Variants in KCNN3 observed in about 807,000 individuals in gnomAD.
KCNN3 encodes small conductance calcium-activated potassium channel protein 3.
In KCNN3, 16 loss-of-function variants were observed where a neutral mutation model predicts 62.9. That is an observed-to-expected ratio of 0.25 (90% CI 0.17 to 0.39). The LOEUF (loss-of-function observed/expected upper bound fraction) is 0.39, where lower values mean the gene tolerates loss of function less well. KCNN3 is among the 10% of genes least tolerant of loss of function. KCNN3 has a pLI of 1.00. For missense variants in KCNN3, 599 were observed against 949.4 expected (o/e 0.63, Z 4.85); for synonymous variants, 370 against 389.2 (o/e 0.95, Z 0.58).
intron 3 of KCNN3, among the ~76,000 whole-genome samples, chr1:154,754,170 A>T (rs1647521422): frequency 6.6e-6 from 1 of 152,174 alleles, no homozygotes; most frequent in Non-Finnish European, 1.5e-5. Context: ...TTAATCTTCT[A>T]GAGGGAGCAA....
chr1:154,829,622 G>A (rs1393047811), intron 1 of KCNN3, among the ~76,000 whole-genome samples: 1 of 152,186 alleles, frequency 6.6e-6, no homozygotes, highest in Non-Finnish European at 1.5e-5. Flanking sequence ...GGCATCATGA[G>A]CCAGCTGACC....
chr1:154,813,337 C>T (rs187201112), intron 2 of KCNN3, among the ~76,000 whole-genome samples: 30 of 151,050 alleles, frequency 2.0e-4, no homozygotes, highest in Non-Finnish European at 3.8e-4. Context: ...CCTCACTTCA[C>T]ATGGCCTAGG....
At chr1:154,853,317 T>C (rs1652379690) in intron 1 of KCNN3, among the ~76,000 whole-genome samples, 1 of 151,938 alleles carries the variant, frequency 6.6e-6, no homozygotes, top group South Asian at 2.1e-4. Flanking sequence ...GTTTTATTTG[T>C]GGTTTTTGTT....
At chr1:154,722,564 A>ATT (rs1216602752) in intron 5 of KCNN3, among the ~76,000 whole-genome samples, 1 of 145,358 alleles carries the variant, frequency 6.9e-6, no homozygotes, top group Non-Finnish European at 1.5e-5. Flanking sequence ...ATTTTTTTGG[A>ATT]TTTTTTTTTA....
At chr1:154,775,021 G>C (rs556759837) in intron 2 of KCNN3, among the ~76,000 whole-genome samples, 1 of 152,364 alleles carries the variant, frequency 6.6e-6, no homozygotes, top group African/African-American at 2.4e-5. Context: ...GTGGATTTGC[G>C]GGGGCTGGCT....
intron 1 of KCNN3, chr1:154,859,790 GAGT>G (rs1652688951): frequency 6.2e-7 from 1 of 1,613,844 alleles, no homozygotes; most frequent in Non-Finnish European, 8.5e-7. Context: ...AAGCTCTAAG[GAGT>G]AGGTGCCAGC....
intron 3 of KCNN3, among the ~76,000 whole-genome samples, chr1:154,757,336 G>A (rs1296792949): frequency 2.0e-5 from 3 of 152,218 alleles, no homozygotes; most frequent in African/African-American, 7.2e-5. Flanking sequence ...GTCTCTTTGA[G>A]TCCTGGCTGG....
At chr1:154,827,201 A>G (rs1267246921) in intron 1 of KCNN3, among the ~76,000 whole-genome samples, 1 of 152,230 alleles carries the variant, frequency 6.6e-6, no homozygotes, top group Non-Finnish European at 1.5e-5. Flanking sequence ...AGAGGCTCCA[A>G]AATTGATTGA....
At chr1:154,728,690 G>C (rs1250033869) in intron 4 of KCNN3, among the ~76,000 whole-genome samples, 1 of 152,058 alleles carries the variant, frequency 6.6e-6, no homozygotes, top group African/African-American at 2.4e-5. Context: ...GAGAAGGTGG[G>C]TGCAGGGAGA....
At chr1:154,847,289 C>A (rs1652112569) in intron 1 of KCNN3, among the ~76,000 whole-genome samples, 1 of 152,070 alleles carries the variant, frequency 6.6e-6, no homozygotes, top group Admixed American at 6.6e-5. Flanking sequence ...TATCAGGTCA[C>A]TGGCCCCAGA....
rs1652677570 is a variant in KCNN3, at chr1:154,859,610, C to T, written c.933+9422G>A. 5 of 1,355,518 alleles carry T rather than the reference C, an allele frequency of 3.7e-6. No homozygotes were observed. In the Middle Eastern group the frequency reaches 5.4e-4, roughly 145 times the overall value. The allele number at this position is 1,355,518 out of a possible 1,614,324, so 84.0% of individuals were successfully genotyped here. ...CCTCAGCTCAAAGCCACTGACAGGT[C>T]AGCAAGGTTCAATGGCTCAAGCCAG... On this transcript the variant is annotated intron_variant, in intron 1 of 7. Transcript: ENST00000271915.
intron 2 of KCNN3, among the ~76,000 whole-genome samples, chr1:154,776,009 TGTAA>T (rs72082809): frequency 0.47 from 71,116 of 151,626 alleles, 16,908 homozygotes; most frequent in Middle Eastern, 0.6. Flanking sequence ...GGAGTGGGAT[TGTAA>T]GTAAGAGCTG....
At chr1:154,768,234 C>G (rs1463470571) in intron 3 of KCNN3, among the ~76,000 whole-genome samples, 1 of 152,250 alleles carries the variant, frequency 6.6e-6, no homozygotes, top group Non-Finnish European at 1.5e-5. Context: ...TCCCCTGCTT[C>G]CAGCTTCTGT....
rs763349610 is a variant in KCNN3, at chr1:154,703,927, G to T, written c.*4049C>A. On this transcript the variant is annotated 3_prime_UTR_variant, in exon 8 of 8. Transcript: ENST00000271915. ...TCTTCATTTTAAGTACAGAGAAATT[G>T]ATGTATTAGGTGCTTATATGAATTG... The T allele has an allele frequency of 6.6e-6, 1 of 152,186 alleles. No homozygotes were observed. Among genetic ancestry groups the T allele is most frequent in the Non-Finnish European group, 1.5e-5 (1 of 68,042 alleles). 9.4% of individuals were successfully genotyped at this position (152,186 alleles called of 1,614,324 possible).
intron 7 of KCNN3, among the ~76,000 whole-genome samples, chr1:154,709,840 G>A (rs1204784077): frequency 2.0e-5 from 3 of 152,184 alleles, no homozygotes; most frequent in Non-Finnish European, 4.4e-5. Flanking sequence ...TGACCGCAGG[G>A]GCACCCTGAT....
At chr1:154,832,207 GC>G (rs889448093) in intron 1 of KCNN3, among the ~76,000 whole-genome samples, 1 of 151,664 alleles carries the variant, frequency 6.6e-6, no homozygotes, top group African/African-American at 2.4e-5. Flanking sequence ...CTCCTGATGA[GC>G]TTTTAGCCTC....
chr1:154,727,015 T>A (rs1458548327), intron 4 of KCNN3, among the ~76,000 whole-genome samples: 1 of 152,236 alleles, frequency 6.6e-6, no homozygotes, highest in Non-Finnish European at 1.5e-5. Context: ...TTTAAAATCC[T>A]CTTCGCTAGG....
chr1:154,755,547 G>GAAAGGA (rs1647620073), intron 3 of KCNN3, among the ~76,000 whole-genome samples: 2 of 97,034 alleles, frequency 2.1e-5, no homozygotes, highest in South Asian at 9.1e-4. Flanking sequence ...GGAAAGGAAG[G>GAAAGGA]AAGGAAGAAA....
At chr1:154,715,560 CCTTTCTTTCTTT>C (rs963013293) in intron 5 of KCNN3, among the ~76,000 whole-genome samples, 2 of 150,060 alleles carry the variant, frequency 1.3e-5, no homozygotes, top group South Asian at 4.2e-4. Flanking sequence ...TTTCTTTCTT[CCTTTCTTTCTTT>C]CTTTTTCTTT....
Sources: gnomAD v4.1 joint callset for allele counts (sites outside exome capture counted in the v4.1 genomes callset) on GRCh38, gnomAD v4.1.1 for gene constraint, MANE v1.5 for transcripts, NCBI Gene and HGNC (gene_info 2026-07-23, HGNC 2026-07-21) for gene names.